DEPDC5: variants seen among roughly 807,000 people sequenced by gnomAD.
DEPDC5 encodes the protein GATOR1 complex protein DEPDC5.
A neutral mutation model predicts 217.3 loss-of-function variants in DEPDC5; 73 were observed. That is an observed-to-expected ratio of 0.34 (90% CI 0.28 to 0.41). DEPDC5 has a LOEUF of 0.41. DEPDC5 is among the 10% of genes least tolerant of loss of function. The pLI is 1.00. For missense variants in DEPDC5, 1,675 were observed against 2,070.1 expected (o/e 0.81, Z 3.70); for synonymous variants, 733 against 756.7 (o/e 0.97, Z 0.51).
chr22:31,810,062 C>G (rs992861897), intron 19 of DEPDC5, among the ~76,000 whole-genome samples: 1 of 152,182 alleles, frequency 6.6e-6, no homozygotes, highest in Non-Finnish European at 1.5e-5. Flanking sequence ...GTCAGGAGAC[C>G]TGAGTTCCCT....
chr22:31,817,125 T>A (rs1410560588), intron 21 of DEPDC5: 1 of 159,374 alleles, frequency 6.3e-6, no homozygotes, highest in Non-Finnish European at 1.4e-5. Flanking sequence ...TCTTTTTTTT[T>A]TGTGATGGAG....
chr22:31,836,018 G>C (rs143979410), intron 25 of DEPDC5, among the ~76,000 whole-genome samples: 3 of 152,186 alleles, frequency 2.0e-5, no homozygotes, highest in African/African-American at 7.2e-5. Context: ...TTTCGGCTTC[G>C]TATTGCTCCC....
intron 25 of DEPDC5, 122 bp from the exon 26 acceptor site, chr22:31,836,850 T>G: frequency 2.2e-6 from 2 of 898,014 alleles, no homozygotes; most frequent in East Asian, 5.2e-5. Flanking sequence ...ATCCTGGCAA[T>G]TTTACCATCT....
At chr22:31,868,698 A>G (rs948349879) in intron 33 of DEPDC5, among the ~76,000 whole-genome samples, 12 of 152,230 alleles carry the variant, frequency 7.9e-5, no homozygotes, top group Non-Finnish European at 1.6e-4. Flanking sequence ...AAGTGCCAAG[A>G]TTACAGGCGT....
At chr22:31,845,302 T>G in intron 30 of DEPDC5, 65 bp downstream of exon 30, 1 of 1,543,032 alleles carries the variant, frequency 6.5e-7, no homozygotes, top group South Asian at 1.2e-5. Context: ...ACCTCCTCTA[T>G]TAGGGGCCTC....
At chr22:31,879,964 A>G (rs1449292901) in intron 38 of DEPDC5, 2 of 569,326 alleles carry the variant, frequency 3.5e-6, no homozygotes, top group Non-Finnish European at 6.3e-6. Flanking sequence ...GACGGTATTT[A>G]GCACCTCTCA....
intron 32 of DEPDC5, chr22:31,858,300 T>C (rs1392449091): frequency 6.6e-6 from 1 of 152,038 alleles, no homozygotes; most frequent in Non-Finnish European, 1.5e-5. Flanking sequence ...GGGGGGAAAA[T>C]ACAGAAAACC....
chr22:31,885,291 C>T (rs991979642), intron 38 of DEPDC5, among the ~76,000 whole-genome samples: 2 of 152,220 alleles, frequency 1.3e-5, no homozygotes, highest in Admixed American at 6.5e-5. Flanking sequence ...TGCTGCACCA[C>T]GCTGGCTTCC....
At chr22:31,798,484 CT>C in intron 13 of DEPDC5, 97 bp from the exon 14 acceptor site, 1 of 1,055,858 alleles carries the variant, frequency 9.5e-7, no homozygotes, top group East Asian at 3.4e-5. Flanking sequence ...TGCTGCTCCA[CT>C]CCAGCCTGGG....
At chr22:31,836,899 C>G in intron 25 of DEPDC5, 73 bp from the exon 26 acceptor site, 73 of 746,042 alleles carry the variant, frequency 9.8e-5, no homozygotes, top group Non-Finnish European at 1.0e-4. Flanking sequence ...CCCTCCCCTT[C>G]CCTCCCCTGG....
chr22:31,789,589 G>A (rs917016077), intron 10 of DEPDC5, among the ~76,000 whole-genome samples: 6 of 152,114 alleles, frequency 3.9e-5, no homozygotes, highest in Non-Finnish European at 4.4e-5. Context: ...TAAATGTCAC[G>A]ATGGCAATAT....
chr22:31,800,173 A>G (rs952341571), intron 14 of DEPDC5, among the ~76,000 whole-genome samples: 3 of 152,090 alleles, frequency 2.0e-5, no homozygotes, highest in African/African-American at 7.2e-5. Context: ...TCCTGGGTCT[A>G]TTAAGTCCTG....
chr22:31,879,029 C>CA (rs1264327219), intron 37 of DEPDC5, among the ~76,000 whole-genome samples: 1,248 of 68,026 alleles, frequency 0.018, 33 homozygotes, highest in African/African-American at 0.056. Flanking sequence ...GACTCCGTCT[C>CA]AAAAAAAAAA....
intron 24 of DEPDC5, among the ~76,000 whole-genome samples, chr22:31,824,581 G>A (rs558436790): frequency 6.6e-6 from 1 of 152,164 alleles, no homozygotes; most frequent in African/African-American, 2.4e-5. Flanking sequence ...TTTTAGATGA[G>A]AAAACACATT....
chr22:31,846,646 T>G (rs868229214), intron 30 of DEPDC5, among the ~76,000 whole-genome samples, 188 bp from the exon 31 acceptor site: 107 of 152,218 alleles, frequency 7.0e-4, no homozygotes, highest in African/African-American at 2.4e-3. Context: ...GCAGTTTATT[T>G]TTAGCTGACC....
intron 31 of DEPDC5, among the ~76,000 whole-genome samples, chr22:31,855,198 C>T (rs371014502): frequency 6.6e-6 from 1 of 151,906 alleles, no homozygotes; most frequent in African/African-American, 2.4e-5. Flanking sequence ...CTTCTGACCT[C>T]GTGATCCACC....
chr22:31,856,564 A>G (rs1009954733), intron 31 of DEPDC5, among the ~76,000 whole-genome samples: 11 of 152,194 alleles, frequency 7.2e-5, no homozygotes, highest in Non-Finnish European at 1.5e-5. Context: ...AATAAACATG[A>G]AAATATTCAT....
chr22:31,811,934 T>A (rs948315857), intron 20 of DEPDC5, among the ~76,000 whole-genome samples: 1 of 152,178 alleles, frequency 6.6e-6, no homozygotes, highest in Non-Finnish European at 1.5e-5. Flanking sequence ...TACCCCAGAG[T>A]TACAGATGTG....
intron 41 of DEPDC5, among the ~76,000 whole-genome samples, chr22:31,905,184 T>C (rs552013821): frequency 2.0e-5 from 3 of 152,006 alleles, no homozygotes; most frequent in Admixed American, 1.3e-4. Context: ...TTGGCGTTCC[T>C]CTTTTTTTTT....
Sources: allele counts gnomAD v4.1 joint callset (sites outside exome capture counted in the v4.1 genomes callset), GRCh38; gene constraint gnomAD v4.1.1; transcripts MANE v1.5; gene names NCBI Gene and HGNC (gene_info 2026-07-23, HGNC 2026-07-21).